ZNF469: variants seen among roughly 807,000 people sequenced by gnomAD.
ZNF469 encodes zinc finger protein 469.
A neutral mutation model predicts 1.0 loss-of-function variants in ZNF469; 1 was observed. The ratio of observed to expected loss-of-function variants is 1.00; its 90% CI spans 0.35 to 4.73. The LOEUF (loss-of-function observed/expected upper bound fraction) is 4.73, where lower values mean the gene tolerates loss of function less well. Ranked by LOEUF, ZNF469 falls within the 30% of genes most tolerant of loss-of-function variation. The pLI is 0.16. For synonymous variants in ZNF469, 2,703 were observed against 2,363.4 expected, an observed-to-expected ratio of 1.14 and a Z score of -4.17; for missense variants, 6,100 against 5,356.3, an observed-to-expected ratio of 1.14 and a Z score of -4.33.
the ZNF469 span, among the ~76,000 whole-genome samples, chr16:88,217,398 C>T: frequency 6.6e-6 from 1 of 152,064 alleles, no homozygotes; most frequent in Non-Finnish European, 1.5e-5. Context: ...TTTCATGGGT[C>T]CTGAAGTCTA....
At chr16:88,254,496 G>A in the ZNF469 span, among the ~76,000 whole-genome samples, 7 of 152,320 alleles carry the variant, frequency 4.6e-5, no homozygotes, top group East Asian at 9.6e-4. Flanking sequence ...GGTGGATCAC[G>A]CCTGTAATCC....
the ZNF469 span, among the ~76,000 whole-genome samples, chr16:88,185,447 CTT>C: frequency 1.3e-5 from 2 of 151,454 alleles, no homozygotes; most frequent in Admixed American, 1.3e-4. Flanking sequence ...TGCATACACA[CTT>C]GTGTGCCCAG....
At chr16:88,301,279 C>T in the ZNF469 span, among the ~76,000 whole-genome samples, 1 of 151,958 alleles carries the variant, frequency 6.6e-6, no homozygotes, top group African/African-American at 2.4e-5. Context: ...CTCATCCTCC[C>T]GAGTAGCTGG....
chr16:88,426,080 G>A (rs58323325), intron 2 of ZNF469, among the ~76,000 whole-genome samples: 1,703 of 152,348 alleles, frequency 0.011, 39 homozygotes, highest in African/African-American at 0.039. Context: ...CGGGAACTCC[G>A]GGAGGGGCAT....
At chr16:88,243,474 C>G in the ZNF469 span, among the ~76,000 whole-genome samples, 109 of 152,300 alleles carry the variant, frequency 7.2e-4, 1 homozygote, top group African/African-American at 2.5e-3. Context: ...TGGCACTTGT[C>G]CCCTCCTCTG....
At chr16:88,413,184 A>C (rs896995195) in intron 1 of ZNF469, among the ~76,000 whole-genome samples, 1 of 152,220 alleles carries the variant, frequency 6.6e-6, no homozygotes, top group African/African-American at 2.4e-5. Flanking sequence ...GCACGTGATA[A>C]ATGGGACAAA....
chr16:88,203,032 G>A, the ZNF469 span, among the ~76,000 whole-genome samples: 1 of 152,210 alleles, frequency 6.6e-6, no homozygotes, highest in Non-Finnish European at 1.5e-5. Flanking sequence ...TAGGGAGAGT[G>A]GTCAAATCGG....
the ZNF469 span, among the ~76,000 whole-genome samples, chr16:88,176,248 C>T: frequency 6.0e-5 from 9 of 149,996 alleles, no homozygotes; most frequent in South Asian, 2.2e-4. Context: ...TCCATCATCA[C>T]GCAGGGCCTC....
the ZNF469 span, among the ~76,000 whole-genome samples, chr16:88,126,188 C>CAA: frequency 0.078 from 4,541 of 58,518 alleles, 87 homozygotes; most frequent in Admixed American, 0.11. Context: ...GACTCCATCC[C>CAA]AAAAAAAAAA....
the ZNF469 span, among the ~76,000 whole-genome samples, chr16:88,331,602 TCAC>T: frequency 1.3e-5 from 2 of 150,158 alleles, no homozygotes; most frequent in East Asian, 2.0e-4. Context: ...ACCACTATCA[TCAC>T]CACCATCATC....
the ZNF469 span, among the ~76,000 whole-genome samples, chr16:88,300,504 A>G: frequency 6.6e-6 from 1 of 151,242 alleles, no homozygotes; most frequent in South Asian, 2.1e-4. Flanking sequence ...CGGTGCTGCC[A>G]TACTCTATCC....
chr16:88,238,299 C>A, the ZNF469 span, among the ~76,000 whole-genome samples: 1 of 135,186 alleles, frequency 7.4e-6, no homozygotes. Context: ...ATGAGCCCTT[C>A]TGTCCCTCTG....
Position 88,437,747 on chromosome 16 carries a change from C to G in ZNF469, c.10277C>G (p.Thr3426Ser), listed in dbSNP as rs1319630612. The G allele has an allele frequency of 1.9e-6, 3 of 1,549,810 alleles. No homozygotes were observed. Among genetic ancestry groups the G allele is most frequent in the Admixed American group, 3.9e-5 (2 of 50,990 alleles). Residue 3426 changes from threonine (T) to serine (S), a missense_variant, in exon 3 of 3, where the codon ACC (threonine) becomes AGC (serine). By Grantham distance (58) the Thr-to-Ser change is moderately conservative. Transcript: ENST00000565624. ...TTCGCCTGCAGCTCCTGCAACTACA[C>G]CTTCGCCAAGAAGGAGCAGTTCGAC... ...KSFACSSCNY[T>S]FAKKEQFDRH... is the part of the protein sequence containing the mutation.
the ZNF469 span, among the ~76,000 whole-genome samples, chr16:88,305,967 C>G: frequency 6.6e-6 from 1 of 152,218 alleles, no homozygotes; most frequent in Non-Finnish European, 1.5e-5. Flanking sequence ...CATACATGTC[C>G]TTACACACAT....
At chr16:88,106,725 G>T in the ZNF469 span, among the ~76,000 whole-genome samples, 1 of 152,394 alleles carries the variant, frequency 6.6e-6, no homozygotes, top group East Asian at 1.9e-4. Context: ...TCAGGTGCAG[G>T]CTGGGGTGGG....
the ZNF469 span, among the ~76,000 whole-genome samples, chr16:88,293,089 G>C: frequency 6.6e-6 from 1 of 152,208 alleles, no homozygotes; most frequent in Non-Finnish European, 1.5e-5. Context: ...GTGGATGGTG[G>C]GTGGATGGAT....
At chr16:88,173,177 AT>A in the ZNF469 span, among the ~76,000 whole-genome samples, 1 of 152,208 alleles carries the variant, frequency 6.6e-6, no homozygotes, top group East Asian at 1.9e-4. Flanking sequence ...TTATAAACAA[AT>A]TTCTGAAAGC....
the ZNF469 span, among the ~76,000 whole-genome samples, chr16:88,305,719 C>T: frequency 6.6e-6 from 1 of 152,242 alleles, no homozygotes; most frequent in Non-Finnish European, 1.5e-5. Flanking sequence ...TACTCTCATA[C>T]CTGCACACTC....
At position 88,429,180 on chromosome 16, in the gene ZNF469, T is replaced by C. The variant is rs1213201386; in HGVS notation, c.1710T>C (p.Val570=). The C allele has an allele frequency of 6.5e-7, 1 of 1,549,594 alleles. No individual in the cohort carries two copies. Among genetic ancestry groups the C allele is most frequent in the East Asian group, 2.4e-5 (1 of 40,866 alleles). The part of the protein sequence containing the change: ...PLFFGVAQPQ[V]SPHGTPSLPP... ...TCTTCGGGGTGGCCCAGCCCCAGGT[T>C]TCACCCCACGGGACACCCAGCCTGC... Residue 570 remains valine, a synonymous_variant, in exon 3 of 3, where the codon GTT becomes GTC. Coordinates refer to ENST00000565624, the MANE Select transcript of ZNF469 (RefSeq NM_001367624.2).
Sources: allele counts gnomAD v4.1 joint callset (sites outside exome capture counted in the v4.1 genomes callset), GRCh38; gene constraint gnomAD v4.1.1; transcripts MANE v1.5; gene names NCBI Gene and HGNC (gene_info 2026-07-23, HGNC 2026-07-21).